The following PPP2R5C variants were observed in gnomAD, a reference collection of about 807,000 sequenced individuals.
PPP2R5C encodes the protein protein phosphatase 2 regulatory subunit B'gamma.
PPP2R5C carries 7 observed loss-of-function variants against 68.9 expected under a neutral mutation model. The observed-to-expected ratio is 0.10, with a 90% confidence interval of 0.06 to 0.19. PPP2R5C has a LOEUF of 0.19. PPP2R5C is among the 10% of genes least tolerant of loss of function. PPP2R5C has a pLI of 1.00. For missense variants in PPP2R5C, 348 were observed against 641.3 expected (o/e 0.54, Z 4.94); for synonymous variants, 210 against 222.2 (o/e 0.95, Z 0.49).
intron 1 of PPP2R5C, chr14:101,831,616 A>G (rs748857957): frequency 3.3e-6 from 2 of 603,344 alleles, no homozygotes; most frequent in Non-Finnish European, 6.2e-6. Context: ...TTAAATAAGT[A>G]CAAGAATTAC....
At chr14:101,780,043 C>T (rs545965988) in intron 2 of PPP2R5C, among the ~76,000 whole-genome samples, 135 of 152,304 alleles carry the variant, frequency 8.9e-4, no homozygotes, top group Non-Finnish European at 1.7e-3. Context: ...AGGCCTCCTC[C>T]TCCATATGCA....
intron 13 of PPP2R5C, among the ~76,000 whole-genome samples, chr14:101,920,424 C>T (rs2046945266): frequency 6.6e-6 from 1 of 152,208 alleles, no homozygotes; most frequent in Non-Finnish European, 1.5e-5. Context: ...ACTCCTGTAG[C>T]ATGTCTGCTT....
At chr14:101,845,309 T>C (rs758003578) in intron 1 of PPP2R5C, among the ~76,000 whole-genome samples, 6 of 152,208 alleles carry the variant, frequency 3.9e-5, no homozygotes, top group Non-Finnish European at 8.8e-5. Context: ...ATGTTCTGAT[T>C]TGGCAGAGTC....
intron 1 of PPP2R5C, among the ~76,000 whole-genome samples, chr14:101,816,629 A>G (rs1168996098): frequency 6.6e-6 from 1 of 151,908 alleles, no homozygotes; most frequent in Non-Finnish European, 1.5e-5. Flanking sequence ...AAGGTGTCCA[A>G]CTTTTGTAAG....
chr14:101,867,652 C>T (rs1004226322), intron 2 of PPP2R5C, among the ~76,000 whole-genome samples: 1 of 151,656 alleles, frequency 6.6e-6, no homozygotes, highest in Non-Finnish European at 1.5e-5. Flanking sequence ...GTGGCGGGCA[C>T]CTGTAGTCCC....
intron 5 of PPP2R5C, among the ~76,000 whole-genome samples, chr14:101,885,239 G>A (rs975748161): frequency 3.2e-4 from 49 of 152,310 alleles, no homozygotes; most frequent in African/African-American, 1.0e-3. Flanking sequence ...CAGTGACCAC[G>A]GGAAAAGAAA....
intron 3 of PPP2R5C, among the ~76,000 whole-genome samples, chr14:101,798,084 G>A (rs1040027828): frequency 7.9e-5 from 12 of 152,016 alleles, no homozygotes; most frequent in African/African-American, 2.7e-4. Flanking sequence ...GTGAAGTGAA[G>A]CCAATTTTTT....
At chr14:101,909,685 A>G (rs1047297425) in exon 11 of PPP2R5C, 1 of 1,589,756 alleles carries the variant, frequency 6.3e-7, no homozygotes, top group Non-Finnish European at 8.6e-7. Context: ...AAGCAGAGAA[A>G]CTAAAGTGAG....
At chr14:101,921,489 T>G (rs1808306042) in intron 13 of PPP2R5C, 1 of 150,128 alleles carries the variant, frequency 6.7e-6, no homozygotes, top group Non-Finnish European at 1.5e-5. Flanking sequence ...ACCACTGCCC[T>G]CCAGCCTGGG....
intron 3 of PPP2R5C, among the ~76,000 whole-genome samples, chr14:101,795,887 A>G (rs1024787057): frequency 6.6e-6 from 1 of 152,134 alleles, no homozygotes; most frequent in African/African-American, 2.4e-5. Flanking sequence ...CAGTGGCACA[A>G]TGTCAGCTCA....
chr14:101,896,462 G>A (rs1398021788), intron 8 of PPP2R5C, among the ~76,000 whole-genome samples: 5 of 151,702 alleles, frequency 3.3e-5, no homozygotes, highest in African/African-American at 4.8e-5. Flanking sequence ...GGCCGGGCGC[G>A]GTGGCTCACG....
At chr14:101,761,687 TGCCGCCGCCGCCGCCGCC>T, upstream of PPP2R5C, 2 of 224,340 alleles carry the variant, frequency 8.9e-6, no homozygotes, top group Non-Finnish European at 1.4e-5. Context: ...ACGCCGCCGC[TGCCGCCGCCGCCGCCGCC>T]GCCGCCGCCG....
intron 2 of PPP2R5C, among the ~76,000 whole-genome samples, chr14:101,857,494 G>A (rs2042491851): frequency 6.6e-6 from 1 of 152,164 alleles, no homozygotes; most frequent in Admixed American, 6.5e-5. Flanking sequence ...TGCTTCCTCT[G>A]TCATTCCTCT....
intron 2 of PPP2R5C, among the ~76,000 whole-genome samples, chr14:101,865,007 T>C (rs1399941515): frequency 2.0e-5 from 3 of 152,026 alleles, no homozygotes; most frequent in Non-Finnish European, 4.4e-5. Context: ...AATGCAGAGA[T>C]GTTAAGAAGG....
upstream of PPP2R5C, among the ~76,000 whole-genome samples, chr14:101,804,974 G>C (rs1200077960): frequency 6.6e-6 from 1 of 152,142 alleles, no homozygotes; most frequent in Non-Finnish European, 1.5e-5. Context: ...GACATCTCTT[G>C]TGTCTCTTAA....
rs2047222254 is a variant in PPP2R5C, at chr14:101,925,051, C to G, written c.1444-90C>G. 6.8e-6 allele frequency: 10 copies of G among 1,464,550 alleles called. No homozygotes were observed. The South Asian group carries it at 1.1e-4, about 16-fold the overall frequency. 90.7% of individuals were successfully genotyped at this position (1,464,550 alleles called of 1,614,324 possible). On this transcript the variant is annotated intron_variant, in intron 13 of 13. Coordinates refer to ENST00000334743, the Ensembl canonical transcript of PPP2R5C. ...GCGAGTGGGTGAGGCACACGTGCCT[C>G]GCGGTTATCCTTTGACTTCCACCTC...
chr14:101,855,582 CTATT>C (rs1180366810), intron 1 of PPP2R5C, among the ~76,000 whole-genome samples: 7 of 152,304 alleles, frequency 4.6e-5, no homozygotes, highest in Middle Eastern at 3.4e-3. Flanking sequence ...GGTGTTAACA[CTATT>C]TATTCATCAT....
Position 101,917,080 on chromosome 14 carries a change from C to T in PPP2R5C, c.1327-751C>T, listed in dbSNP as rs2046713235. Among the ~76,000 whole-genome samples, 1 of 152,176 alleles carries T rather than the reference C, an allele frequency of 6.6e-6. No individual in the cohort carries two copies. ...CGTCACAGTCATACTGTCCTGTGCACCCTGTCTCATGGAACCCTCACAGCC... is the reference window on the plus strand; with the variant it reads ...CGTCACAGTCATACTGTCCTGTGCATCCTGTCTCATGGAACCCTCACAGCC... On this transcript the variant is annotated intron_variant, in intron 12 of 13. Coordinates refer to ENST00000334743, the Ensembl canonical transcript of PPP2R5C. This position sits in a 1 kb window ranked among gnomAD's most constrained non-coding sequence, Gnocchi z 4.4.
At chr14:101,849,947 G>C (rs1313677001) in intron 1 of PPP2R5C, among the ~76,000 whole-genome samples, 1 of 152,136 alleles carries the variant, frequency 6.6e-6, no homozygotes, top group Non-Finnish European at 1.5e-5. Flanking sequence ...TCTTCTCAGG[G>C]GTGTCTTGGT....
Sources: gnomAD v4.1 joint callset for allele counts (sites outside exome capture counted in the v4.1 genomes callset) on GRCh38, gnomAD v4.1.1 for gene constraint, Gnocchi (gnomAD v3.1) non-coding constraint, MANE v1.5 for transcripts, NCBI Gene and HGNC (gene_info 2026-07-23, HGNC 2026-07-21) for gene names.